CACNA2D3: variants seen among roughly 807,000 people sequenced by gnomAD.
CACNA2D3 encodes the protein voltage-dependent calcium channel subunit alpha-2/delta-3.
CACNA2D3 carries 60 observed loss-of-function variants against 160.6 expected under a neutral mutation model. That is an observed-to-expected ratio of 0.37 (90% CI 0.30 to 0.46). The LOEUF is 0.46. CACNA2D3 is among the 20% of genes least tolerant of loss of function. The probability of loss-of-function intolerance (pLI) is 1.00; values close to 1 mark genes in which losing one functional copy is unlikely to be tolerated. For missense variants in CACNA2D3, 1,205 were observed against 1,365.0 expected, an observed-to-expected ratio of 0.88 and a Z score of 1.85; for synonymous variants, 558 against 492.9, an observed-to-expected ratio of 1.13 and a Z score of -1.75.
At chr3:54,787,097 T>C (rs1004409758) in intron 13 of CACNA2D3, among the ~76,000 whole-genome samples, 2 of 152,228 alleles carry the variant, frequency 1.3e-5, no homozygotes, top group Admixed American at 1.3e-4. Context: ...CTTCTTGTGG[T>C]TGTTTCCTGA....
intron 2 of CACNA2D3, among the ~76,000 whole-genome samples, chr3:54,191,370 T>A (rs546010635): frequency 6.2e-4 from 93 of 150,294 alleles, no homozygotes; most frequent in African/African-American, 2.1e-3. Flanking sequence ...TATTTAATGT[T>A]CTAATGCCTT....
chr3:55,025,537 G>A (rs1366815461), intron 35 of CACNA2D3, among the ~76,000 whole-genome samples: 2 of 150,306 alleles, frequency 1.3e-5, no homozygotes, highest in Admixed American at 6.7e-5. Flanking sequence ...CGGGAGCTGA[G>A]GCACAAGAAT....
intron 2 of CACNA2D3, among the ~76,000 whole-genome samples, chr3:54,148,833 C>T (rs559979657): frequency 1.6e-3 from 237 of 151,836 alleles, no homozygotes; most frequent in African/African-American, 5.0e-3. Context: ...AAAAATTAGC[C>T]GGGTGTGGTG....
At chr3:55,056,019 A>C (rs550233515) in intron 35 of CACNA2D3, among the ~76,000 whole-genome samples, 1 of 152,282 alleles carries the variant, frequency 6.6e-6, no homozygotes, top group East Asian at 1.9e-4. Flanking sequence ...CAATCTACAG[A>C]TTGAGAGAAA....
chr3:55,061,795 G>T (rs1704514066), intron 35 of CACNA2D3, among the ~76,000 whole-genome samples: 1 of 152,162 alleles, frequency 6.6e-6, no homozygotes, highest in African/African-American at 2.4e-5. Flanking sequence ...TTTCTCCAGG[G>T]GAAGGAATTG....
At chr3:54,475,982 A>ACTTTTCTC (rs1178368091) in intron 4 of CACNA2D3, among the ~76,000 whole-genome samples, 1 of 151,292 alleles carries the variant, frequency 6.6e-6, no homozygotes, top group African/African-American at 2.4e-5. Flanking sequence ...CCTTTGACCA[A>ACTTTTCTC]CATCTCCCCC....
chr3:54,630,607 A>G (rs373731284), intron 10 of CACNA2D3, among the ~76,000 whole-genome samples: 1 of 152,164 alleles, frequency 6.6e-6, no homozygotes, highest in African/African-American at 2.4e-5. Flanking sequence ...ACTTTATATC[A>G]TACCATCATC....
At chr3:54,781,514 C>T (rs907916928) in intron 13 of CACNA2D3, among the ~76,000 whole-genome samples, 4 of 152,154 alleles carry the variant, frequency 2.6e-5, no homozygotes, top group African/African-American at 9.7e-5. Flanking sequence ...TGTAAAGTTA[C>T]CTAGTTCATT....
In CACNA2D3 at chr3:55,007,831, A is replaced by G; in HGVS notation, c.2808A>G (p.Thr936=). The G allele has an allele frequency of 6.4e-7, 1 of 1,555,828 alleles. No homozygotes were observed. Among genetic ancestry groups the G allele is most frequent in the Non-Finnish European group, 8.7e-7 (1 of 1,154,396 alleles). The change falls in exon 33 of 38, where the codon ACA becomes ACG. Residue 936 remains threonine, a synonymous_variant. Transcript: ENST00000474759. ...TCTCTGCAGTAAAATGGATCATGAC[A>G]GAACTTGTCTTGTAAGTAAAATCTG... ...AFLSAVKWIM[T]ELVLFLVEFN... is the part of the protein sequence containing the mutation.
intron 31 of CACNA2D3, among the ~76,000 whole-genome samples, chr3:55,004,391 T>C (rs764599599): frequency 3.9e-5 from 6 of 152,232 alleles, no homozygotes; most frequent in Non-Finnish European, 7.3e-5. Flanking sequence ...CTTGGAGACA[T>C]GGCCCAAGTA....
In CACNA2D3 at chr3:54,638,746, C is replaced by G. The variant is rs1308908860; in HGVS notation, c.1054-3382C>G. On this transcript the variant is annotated intron_variant, in intron 10 of 37. Transcript: ENST00000474759. ...CTCACACCATTTGCCCATTTTACGC[C>G]AAGAATTATTTAGATCTTGTAGGGT... 12 of 151,866 alleles carry G rather than the reference C, an allele frequency of 7.9e-5. 1 individual carries two copies. Among genetic ancestry groups the G allele is most frequent in the African/African-American group, 2.9e-4 (12 of 41,204 alleles). The allele number at this position is 151,866 out of a possible 1,614,324, so 9.4% of individuals were successfully genotyped here.
chr3:54,268,664 C>T (rs1392331559), intron 2 of CACNA2D3, among the ~76,000 whole-genome samples: 3 of 152,138 alleles, frequency 2.0e-5, no homozygotes. Flanking sequence ...CCCGCTTGGC[C>T]TCCCAAAGTG....
At chr3:54,493,529 C>G (rs1445269074) in intron 4 of CACNA2D3, among the ~76,000 whole-genome samples, 1 of 152,144 alleles carries the variant, frequency 6.6e-6, no homozygotes, top group Non-Finnish European at 1.5e-5. Context: ...ACTACCCTCT[C>G]ATTCAGCCAA....
At chr3:54,469,683 A>G (rs1348720539) in intron 4 of CACNA2D3, among the ~76,000 whole-genome samples, 2 of 152,090 alleles carry the variant, frequency 1.3e-5, no homozygotes, top group African/African-American at 4.8e-5. Context: ...AGACCCTTGA[A>G]AAAAGGTTAG....
intron 29 of CACNA2D3, among the ~76,000 whole-genome samples, chr3:54,971,511 A>G (rs1484896614): frequency 6.6e-6 from 1 of 152,168 alleles, no homozygotes; most frequent in Non-Finnish European, 1.5e-5. Context: ...GCTCACAGCT[A>G]GGGCAGTAGC....
At chr3:54,784,303 G>A (rs1229859842) in intron 13 of CACNA2D3, among the ~76,000 whole-genome samples, 1 of 152,198 alleles carries the variant, frequency 6.6e-6, no homozygotes, top group African/African-American at 2.4e-5. Flanking sequence ...GCTCGTGCTG[G>A]AGGCCTTCCA....
intron 16 of CACNA2D3, among the ~76,000 whole-genome samples, chr3:54,845,940 A>G (rs1698921314): frequency 6.6e-6 from 1 of 152,188 alleles, no homozygotes; most frequent in Non-Finnish European, 1.5e-5. Flanking sequence ...CCAATTTGAG[A>G]TGGCCCCTGT....
chr3:54,249,247 G>A (rs1175284650), intron 2 of CACNA2D3, among the ~76,000 whole-genome samples: 1 of 152,114 alleles, frequency 6.6e-6, no homozygotes, highest in African/African-American at 2.4e-5. Flanking sequence ...AGTTGACAAG[G>A]ACTTGAGATG....
At chr3:54,850,324 C>A (rs1318453852) in intron 17 of CACNA2D3, among the ~76,000 whole-genome samples, 1 of 152,186 alleles carries the variant, frequency 6.6e-6, no homozygotes, top group Non-Finnish European at 1.5e-5. Context: ...AATGGAACAA[C>A]AGCACGTAGC....
Sources: gnomAD v4.1 joint callset for allele counts (sites outside exome capture counted in the v4.1 genomes callset) on GRCh38, gnomAD v4.1.1 for gene constraint, MANE v1.5 for transcripts, NCBI Gene and HGNC (gene_info 2026-07-23, HGNC 2026-07-21) for gene names.